The following GLYR1 variants were observed in gnomAD, a reference collection of about 807,000 sequenced individuals.
The protein encoded by GLYR1 is cytokine-like nuclear factor N-PAC.
GLYR1 carries 21 observed loss-of-function variants against 72.7 expected under a neutral mutation model. The ratio of observed to expected loss-of-function variants is 0.29; its 90% CI spans 0.20 to 0.42. GLYR1 has a LOEUF of 0.42. Among genes scored for constraint, GLYR1 ranks in the 10% least tolerant of loss-of-function variants. The probability of loss-of-function intolerance (pLI) is 1.00; values close to 1 mark genes in which losing one functional copy is unlikely to be tolerated. For missense variants in GLYR1, 594 were observed against 712.1 expected (o/e 0.83, Z 1.89); for synonymous variants, 392 against 270.2 (o/e 1.45, Z -4.42).
intron 15 of GLYR1, among the ~76,000 whole-genome samples, chr16:4,809,192 T>G (rs1022447610): frequency 7.1e-6 from 1 of 140,508 alleles, no homozygotes; most frequent in African/African-American, 2.6e-5. Context: ...GCTTTCGTTT[T>G]TTTTTTTTTT....
At chr16:4,812,040 G>A (rs1459201359) in intron 13 of GLYR1, 46 bp downstream of exon 13, 3 of 1,587,468 alleles carry the variant, frequency 1.9e-6, no homozygotes, top group East Asian at 2.2e-5. Context: ...TGAAACAGAG[G>A]AGATGTGGCC....
chr16:4,827,655 C>G (rs1483978618), intron 5 of GLYR1, among the ~76,000 whole-genome samples: 1 of 152,130 alleles, frequency 6.6e-6, no homozygotes, highest in Non-Finnish European at 1.5e-5. Context: ...CATCCCAGCA[C>G]TTTGGGAGGC....
At chr16:4,815,821 G>A (rs944880644) in intron 10 of GLYR1, among the ~76,000 whole-genome samples, 10 of 151,510 alleles carry the variant, frequency 6.6e-5, no homozygotes, top group South Asian at 6.3e-4. Flanking sequence ...TCTCGCTGTC[G>A]CCCAGGATGG....
chr16:4,833,744 A>G (rs1009090167), intron 3 of GLYR1, among the ~76,000 whole-genome samples: 2 of 152,230 alleles, frequency 1.3e-5, no homozygotes, highest in African/African-American at 4.8e-5. Context: ...TGTGTAACAC[A>G]TGAAAGTGAA....
chr16:4,833,052 A>G, intron 3 of GLYR1, 140 bp from the exon 4 acceptor site: 1 of 679,126 alleles, frequency 1.5e-6, no homozygotes. Flanking sequence ...CTTTCAAAAC[A>G]TGCTATCAAC....
rs2082834241 is a variant in GLYR1 at position 4,803,998 on chromosome 16, C to CA, written c.*1237dup. ...CCCAGACCCACCTCGGAGGGCCAGT[C>CA]AGTTCAGGTAGGTCAGGCCCAGTTC... On this transcript the variant is annotated 3_prime_UTR_variant, in exon 16 of 16. Transcript: ENST00000321919. The CA allele has an allele frequency of 6.6e-6, 1 of 152,068 alleles. No individual in the cohort carries two copies. Among genetic ancestry groups the CA allele is most frequent in the African/African-American group, 2.4e-5 (1 of 41,402 alleles). 9.4% of individuals were successfully genotyped at this position (152,068 alleles called of 1,614,324 possible). A position where few individuals can be genotyped will look rare whatever the true frequency, so the allele number is the denominator to read the frequency against.
intron 10 of GLYR1, among the ~76,000 whole-genome samples, chr16:4,814,945 C>T (rs565227870): frequency 1.3e-5 from 2 of 152,196 alleles, no homozygotes; most frequent in Admixed American, 6.5e-5. Context: ...CCCCAGCCCC[C>T]GCTGTGCTGT....
chr16:4,820,836 C>T (rs533260666), intron 9 of GLYR1, among the ~76,000 whole-genome samples: 1 of 152,300 alleles, frequency 6.6e-6, no homozygotes, highest in South Asian at 2.1e-4. Context: ...GGGAGCATGT[C>T]CAGGATCGCC....
In GLYR1 at chr16:4,812,077, G is replaced by T. The variant is rs751867933; in HGVS notation, c.1282+9C>A. 1 of 1,611,932 alleles carries T rather than the reference G, an allele frequency of 6.2e-7. No individual in the cohort carries two copies. The highest frequency in any genetic ancestry group is 2.2e-5 in the East Asian group (1 of 44,886). ...CAGGCTCCAGGCCTGACAGGTGCAG[G>T]CGTGTTACCTAGGAAGAAGGAGGTC... On this transcript the variant is annotated intron_variant, in intron 13 of 15. Coordinates refer to ENST00000321919, the MANE Select transcript of GLYR1 (RefSeq NM_032569.4).
intron 10 of GLYR1, among the ~76,000 whole-genome samples, chr16:4,815,781 A>G (rs1471438864): frequency 6.6e-6 from 1 of 152,026 alleles, no homozygotes; most frequent in Non-Finnish European, 1.5e-5. Context: ...AAAAAAGGCA[A>G]CTGTTTCATT....
In GLYR1 at chr16:4,841,457, C is replaced by CAAAAAA. The variant is rs1160441336; in HGVS notation, c.155+3611_155+3616dup. On this transcript the variant is annotated intron_variant, in intron 3 of 15. Coordinates refer to ENST00000321919, the MANE Select transcript of GLYR1 (RefSeq NM_032569.4). ...GAAACATGGCGAGAACTTGTCTCTA[C>CAAAAAA]AAAAAAAAAAAAAAAAAAAAAAAAA... is the stretch of plus-strand genomic sequence containing the variant. Among the ~76,000 whole-genome samples, 203 of 31,732 alleles carry CAAAAAA rather than the reference C, an allele frequency of 6.4e-3. 8 individuals carry two copies. Among genetic ancestry groups the CAAAAAA allele is most frequent in the East Asian group, 0.034 (25 of 742 alleles). The allele number at this position is 31,732 out of a possible 152,430, so 20.8% of individuals were successfully genotyped here.
chr16:4,817,759 C>T, intron 9 of GLYR1, 62 bp from the exon 10 acceptor site: 1 of 1,024,104 alleles, frequency 9.8e-7, no homozygotes, highest in Non-Finnish European at 1.6e-6. Context: ...GATGATGATT[C>T]CATGCAGCAC....
intron 3 of GLYR1, among the ~76,000 whole-genome samples, chr16:4,834,192 G>A (rs946340604): frequency 2.0e-5 from 3 of 151,850 alleles, no homozygotes; most frequent in African/African-American, 4.8e-5. Flanking sequence ...GTCAGGCAGC[G>A]AACCACTATC....
At chr16:4,813,703 G>T in intron 12 of GLYR1, 34 bp downstream of exon 12, 1 of 1,534,480 alleles carries the variant, frequency 6.5e-7, no homozygotes, top group Non-Finnish European at 8.9e-7. Flanking sequence ...TGATAGAAAA[G>T]ATGCTGGAGA....
At chr16:4,843,986 C>T (rs1033463567) in intron 3 of GLYR1, 3 of 162,500 alleles carry the variant, frequency 1.8e-5, no homozygotes, top group Non-Finnish European at 4.0e-5. Context: ...TGGTGGTGTG[C>T]GCCTGTAGTC....
In GLYR1 at chr16:4,814,569, C is replaced by A. The variant is rs749630256; in HGVS notation, c.985G>T (p.Ala329Ser). ...EVVSTCDITF[A>S]CVSDPKAAKD... is the part of the protein sequence containing the mutation. ...GCCGCCTTGGGATCCGACACGCAGGCGAAAGTGATGTCGCAGGTTGAGACG... is the reference window on the plus strand; with the variant it reads ...GCCGCCTTGGGATCCGACACGCAGGAGAAAGTGATGTCGCAGGTTGAGACG... Residue 329 changes from alanine to serine, a missense_variant, in exon 11 of 16, where the codon GCC becomes TCC. By Grantham distance (99) the Ala-to-Ser change is moderately conservative. Transcript: ENST00000321919. 1 of 1,613,824 alleles carries A rather than the reference C, an allele frequency of 6.2e-7. No homozygotes were observed. Among genetic ancestry groups the A allele is most frequent in the Non-Finnish European group, 8.5e-7 (1 of 1,180,026 alleles).
rs1669191930 is a variant in GLYR1 at position 4,804,236 on chromosome 16, G to C, written c.*1000C>G. ...AGGATGGAGAGCGGTGGGCATGCAG[G>C]GGACTTGGCAGGGCAGGGTGGAGAA... On this transcript the variant is annotated 3_prime_UTR_variant, in exon 16 of 16. Transcript: ENST00000321919. 1.3e-5 allele frequency: 2 copies of C among 153,010 alleles called. No homozygotes were observed. Among genetic ancestry groups the C allele is most frequent in the Admixed American group, 1.3e-4 (2 of 15,262 alleles). The allele number at this position is 153,010 out of a possible 1,614,324, so 9.5% of individuals were successfully genotyped here. A position where few individuals can be genotyped will look rare whatever the true frequency, so the allele number is the denominator to read the frequency against.
At chr16:4,842,099 C>T (rs1282916890) in intron 3 of GLYR1, among the ~76,000 whole-genome samples, 3 of 152,054 alleles carry the variant, frequency 2.0e-5, no homozygotes, top group Non-Finnish European at 2.9e-5. Context: ...CAAAAATTAG[C>T]TGGGCATGGT....
chr16:4,813,215 G>A (rs899999407), intron 12 of GLYR1, among the ~76,000 whole-genome samples: 3 of 151,966 alleles, frequency 2.0e-5, no homozygotes, highest in South Asian at 4.2e-4. Flanking sequence ...CGCCCACCTC[G>A]GCCTCCCAAA....
Sources: gnomAD v4.1 joint callset for allele counts (sites outside exome capture counted in the v4.1 genomes callset) on GRCh38, gnomAD v4.1.1 for gene constraint, MANE v1.5 for transcripts, NCBI Gene and HGNC (gene_info 2026-07-23, HGNC 2026-07-21) for gene names.